The following CA10 variants were observed in gnomAD, a reference collection of about 807,000 sequenced individuals.
The protein encoded by CA10 is carbonic anhydrase 10 (inactive).
A neutral mutation model predicts 44.2 loss-of-function variants in CA10; 14 were observed. The ratio of observed to expected loss-of-function variants is 0.32; its 90% confidence interval spans 0.21 to 0.50. CA10 has a LOEUF of 0.50. Ranked by LOEUF, CA10 falls within the 20% of genes least tolerant of loss-of-function variation. The pLI is 0.99. For missense variants in CA10, 350 were observed against 409.7 expected (o/e 0.85, Z 1.26); for synonymous variants, 159 against 141.6 (o/e 1.12, Z -0.87).
At chr17:52,029,482 G>T (rs1340958229) in intron 2 of CA10, among the ~76,000 whole-genome samples, 3 of 152,048 alleles carry the variant, frequency 2.0e-5, no homozygotes, top group African/African-American at 2.4e-5. Flanking sequence ...TAGAGCGCAG[G>T]TCTTGGAGTT....
At chr17:51,636,603 C>G (rs1300779109) in intron 6 of CA10, among the ~76,000 whole-genome samples, 5 of 152,104 alleles carry the variant, frequency 3.3e-5, no homozygotes, top group Non-Finnish European at 5.9e-5. Flanking sequence ...ATCTGGACTC[C>G]TAGGCATTAC....
intron 2 of CA10, among the ~76,000 whole-genome samples, chr17:51,999,841 T>C (rs1985363296): frequency 6.6e-6 from 1 of 151,994 alleles, no homozygotes; most frequent in Non-Finnish European, 1.5e-5. Context: ...TAGCTTCATA[T>C]AGACTGTTTA....
At chr17:52,016,174 A>G (rs1985962284) in intron 2 of CA10, among the ~76,000 whole-genome samples, 1 of 152,126 alleles carries the variant, frequency 6.6e-6, no homozygotes, top group Non-Finnish European at 1.5e-5. Flanking sequence ...AGCAGCTCAG[A>G]GCATCTCCAT....
chr17:51,881,549 T>C (rs915654228), intron 3 of CA10, among the ~76,000 whole-genome samples: 7 of 151,926 alleles, frequency 4.6e-5, no homozygotes, highest in Non-Finnish European at 8.8e-5. Flanking sequence ...TTAATATTCA[T>C]AAAGTATAAA....
chr17:51,998,012 C>T (rs1009106614), intron 2 of CA10, among the ~76,000 whole-genome samples: 2 of 152,064 alleles, frequency 1.3e-5, no homozygotes, highest in African/African-American at 4.8e-5. Context: ...GGGATCATGG[C>T]TATCAAGTGG....
chr17:51,714,732 G>A (rs1468801425), intron 4 of CA10, among the ~76,000 whole-genome samples: 2 of 152,160 alleles, frequency 1.3e-5, no homozygotes, highest in Non-Finnish European at 2.9e-5. Context: ...AGGAATTACA[G>A]ACAAAAGAAA....
At position 51,661,264 on chromosome 17, in the gene CA10, G is replaced by A. The variant is rs1253155299; in HGVS notation, c.466-7528C>T. Among the ~76,000 whole-genome samples, 5 of 152,126 alleles carry A rather than the reference G, an allele frequency of 3.3e-5. No homozygotes were observed. In the South Asian group the frequency reaches 8.3e-4, roughly 25 times the overall value. On this transcript the variant is annotated intron_variant, in intron 4 of 8. Transcript: ENST00000451037. ...ATTGTTAATGAATGAAGCAATGCAG[G>A]CTGTCTATTGTACAATGAAGTGTGA...
At chr17:51,827,329 C>T (rs1238310654) in intron 3 of CA10, among the ~76,000 whole-genome samples, 1 of 135,950 alleles carries the variant, frequency 7.4e-6, no homozygotes, top group Non-Finnish European at 1.5e-5. Flanking sequence ...AGGAGAGAAA[C>T]ACGCACACAC....
intron 3 of CA10, among the ~76,000 whole-genome samples, chr17:51,874,115 G>A (rs1381073529): frequency 2.0e-5 from 3 of 151,896 alleles, no homozygotes; most frequent in African/African-American, 7.3e-5. Flanking sequence ...TGTGTAGAGT[G>A]TAGGGGAAAT....
chr17:51,663,234 ACC>A (rs1914074303), intron 4 of CA10, among the ~76,000 whole-genome samples: 1 of 149,982 alleles, frequency 6.7e-6, no homozygotes, highest in Non-Finnish European at 1.5e-5. Context: ...GCGTTTCGAG[ACC>A]ACTTTTTCTC....
chr17:51,823,110 G>C (rs1907875464), intron 3 of CA10, among the ~76,000 whole-genome samples: 1 of 152,108 alleles, frequency 6.6e-6, no homozygotes, highest in Non-Finnish European at 1.5e-5. Flanking sequence ...TCCTTTTTGT[G>C]TTTTCTCTGA....
intron 3 of CA10, among the ~76,000 whole-genome samples, chr17:51,867,967 C>T (rs1203477032): frequency 6.6e-6 from 1 of 151,996 alleles, no homozygotes; most frequent in Non-Finnish European, 1.5e-5. Flanking sequence ...GATGATGATC[C>T]ACTGTTTCTA....
At chr17:51,832,103 G>C (rs940196362) in intron 3 of CA10, among the ~76,000 whole-genome samples, 2 of 152,140 alleles carry the variant, frequency 1.3e-5, no homozygotes, top group Non-Finnish European at 1.5e-5. Flanking sequence ...GAGAGACCTG[G>C]GTTTGAATCT....
At chr17:52,088,903 A>C (rs761765605) in intron 1 of CA10, among the ~76,000 whole-genome samples, 2 of 152,230 alleles carry the variant, frequency 1.3e-5, no homozygotes, top group Non-Finnish European at 2.9e-5. Flanking sequence ...ACCAAGCACA[A>C]AAGTGAAAAA....
chr17:51,972,456 T>C (rs1320627652), intron 2 of CA10, among the ~76,000 whole-genome samples: 2 of 152,084 alleles, frequency 1.3e-5, no homozygotes, highest in African/African-American at 2.4e-5. Context: ...GTGACCTTCA[T>C]TACTGTTATA....
At position 51,846,902 on chromosome 17, in the gene CA10, T is replaced by C. The variant is rs79693052; in HGVS notation, c.279+84088A>G. Among the ~76,000 whole-genome samples, 426 of 152,346 alleles carry C rather than the reference T, an allele frequency of 2.8e-3. 1 individual carries two copies. The highest frequency in any genetic ancestry group is 9.5e-3 in the African/African-American group (393 of 41,580). ...AGCCAGTGGCTGACAGGGATCAATG[T>C]AGCACTGTGAACAAGTCTAAATAAA... On this transcript the variant is annotated intron_variant, in intron 3 of 8. Transcript: ENST00000451037.
At chr17:51,882,433 C>T (rs1369685042) in intron 3 of CA10, among the ~76,000 whole-genome samples, 2 of 152,110 alleles carry the variant, frequency 1.3e-5, no homozygotes, top group African/African-American at 2.4e-5. Flanking sequence ...CTCATTAATG[C>T]CAATTGTAAA....
rs555843989 is a variant in CA10 at position 51,798,042 on chromosome 17, C to T, written c.280-50224G>A. Among the ~76,000 whole-genome samples the T allele has an allele frequency of 4.6e-5, 7 of 152,228 alleles. No homozygotes were observed. The South Asian group carries it at 6.2e-4, about 14-fold the overall frequency. On this transcript the variant is annotated intron_variant, in intron 3 of 8. Transcript: ENST00000451037. ...TGACTTGCCTTAAGCAAAGCCCTGA[C>T]AGAAATGGGACTACGAGACTAGAAA...
chr17:51,710,785 C>T (rs886259502), intron 4 of CA10, among the ~76,000 whole-genome samples: 1 of 152,102 alleles, frequency 6.6e-6, no homozygotes, highest in African/African-American at 2.4e-5. Flanking sequence ...GCCTGCAGCA[C>T]AGTCTCTTCC....
Sources: allele counts gnomAD v4.1 joint callset (sites outside exome capture counted in the v4.1 genomes callset), GRCh38; gene constraint gnomAD v4.1.1; transcripts MANE v1.5; gene names NCBI Gene and HGNC (gene_info 2026-07-23, HGNC 2026-07-21).